Variants in HMG20B observed in about 807,000 individuals in gnomAD.
HMG20B encodes the protein high mobility group 20B.
Under a neutral mutation model 41.6 loss-of-function variants are expected in HMG20B, and 24 were observed. The observed-to-expected ratio is 0.58, with a 90% CI of 0.42 to 0.81. HMG20B has a LOEUF of 0.81. HMG20B is among the 30% of genes least tolerant of loss of function. The pLI is 0.00. For synonymous variants in HMG20B, 251 were observed against 186.6 expected (o/e 1.34, Z -2.81); for missense variants, 461 against 444.0 (o/e 1.04, Z -0.34).
chr19:3,576,657 C>A (rs2032168099), intron 7 of HMG20B, 32 bp downstream of exon 7: 1 of 1,585,904 alleles, frequency 6.3e-7, no homozygotes, highest in East Asian at 2.2e-5. Flanking sequence ...GATGCGAACT[C>A]CGTGAAACTG....
At chr19:3,577,184 C>T in intron 8 of HMG20B, 77 bp downstream of exon 8, 2 of 1,093,512 alleles carry the variant, frequency 1.8e-6, no homozygotes, top group East Asian at 2.8e-5. Context: ...CTCCCTTCCC[C>T]CCTTCCCCTG....
chr19:3,574,237 C>G (rs550949295), intron 3 of HMG20B, 146 bp from the exon 4 acceptor site: 3 of 729,708 alleles, frequency 4.1e-6, no homozygotes, highest in Admixed American at 2.3e-5. Flanking sequence ...GCTGACCGGG[C>G]CCTACCTCCA....
chr19:3,577,201 G>T, intron 8 of HMG20B, 94 bp downstream of exon 8: 1 of 913,830 alleles, frequency 1.1e-6, no homozygotes, highest in Non-Finnish European at 1.5e-6. Context: ...CCTGTCGCCC[G>T]GCGCCGCCCA....
intron 5 of HMG20B, chr19:3,575,929 G>GC (rs2032150007): frequency 2.1e-6 from 1 of 475,766 alleles, no homozygotes. Flanking sequence ...GGGCGACAGG[G>GC]CGAGACTCCG....
chr19:3,573,968 G>A, intron 3 of HMG20B, 168 bp downstream of exon 3: 1 of 725,646 alleles, frequency 1.4e-6, no homozygotes, highest in Non-Finnish European at 2.5e-6. Flanking sequence ...CAGGTCCTCT[G>A]CCACTCTAAG....
rs199917043 is a variant in HMG20B, at chr19:3,573,688, C to T, written c.39-4C>T. On this transcript the variant is annotated splice_polypyrimidine_tract_variant and splice_region_variant and intron_variant, in intron 2 of 9. Coordinates refer to ENST00000333651, the MANE Select transcript of HMG20B (RefSeq NM_006339.3). ...GGGGCTGACCGCGGTATCCTTGGCT[C>T]CAGGCCGGCGGGCGGCAAGGCTCCG... is the stretch of plus-strand genomic sequence containing the variant. The T allele has an allele frequency of 2.7e-6, 4 of 1,501,726 alleles. No individual in the cohort carries two copies. In the Admixed American group the frequency reaches 9.4e-5, roughly 35 times the overall value. The allele number at this position is 1,501,726 out of a possible 1,614,324, so 93.0% of individuals were successfully genotyped here. A position where few individuals can be genotyped will look rare whatever the true frequency, so the allele number is the denominator to read the frequency against.
chr19:3,573,862 G>T, intron 3 of HMG20B, 62 bp downstream of exon 3: 2 of 1,418,260 alleles, frequency 1.4e-6, no homozygotes, highest in Non-Finnish European at 1.9e-6. Flanking sequence ...TCGAAGCCCC[G>T]CCCCAGGCTG....
At chr19:3,577,894 C>A in intron 8 of HMG20B, 87 bp from the exon 9 acceptor site, 1 of 1,292,442 alleles carries the variant, frequency 7.7e-7, no homozygotes, top group Non-Finnish European at 1.1e-6. Flanking sequence ...GCGCGACCCG[C>A]CCTGAGTCAC....
chr19:3,576,934 C>T lies in HMG20B; in HGVS notation c.635C>T (p.Ala212Val), dbSNP rs1440858936. Reference sequence around the variant, plus strand: ...CGGCGCTTGCGGAAGATGAATGTGGCCTTCGAGGAGCAGAACGCGGTACTG... The same window carrying T: ...CGGCGCTTGCGGAAGATGAATGTGGTCTTCGAGGAGCAGAACGCGGTACTG... Reference protein sequence around the residue: ...ELRRLRKMNVAFEEQNAVLQR... With the variant: ...ELRRLRKMNVVFEEQNAVLQR... Residue 212 changes from alanine to valine, a missense_variant, in exon 8 of 10, where the codon GCC (alanine) becomes GTC (valine). Transcript: ENST00000333651. The T allele has an allele frequency of 2.5e-6, 4 of 1,584,484 alleles. No homozygotes were observed. The highest frequency in any genetic ancestry group is 1.3e-5 in the African/African-American group (1 of 74,458).
At chr19:3,575,449 A>AG in intron 4 of HMG20B, 91 bp from the exon 5 acceptor site, 3 of 1,530,748 alleles carry the variant, frequency 2.0e-6, no homozygotes, top group Non-Finnish European at 2.6e-6. Context: ...GGTTCAGGAG[A>AG]GGGGAGGGTG....
chr19:3,576,879 C>A lies in HMG20B; in HGVS notation c.593-13C>A, dbSNP rs762773186. The A allele has an allele frequency of 3.2e-6, 5 of 1,557,918 alleles. No homozygotes were observed. In the South Asian group the frequency reaches 5.9e-5, roughly 18 times the overall value. Reference sequence around the variant, plus strand: ...GGGAGGCGCAGGCTTTGACCCCGCTCCCCCCGGCGCAGCGCGTGAGGCGGA... The same window carrying A: ...GGGAGGCGCAGGCTTTGACCCCGCTACCCCCGGCGCAGCGCGTGAGGCGGA... On this transcript the variant is annotated splice_polypyrimidine_tract_variant and intron_variant, in intron 7 of 9. Transcript: ENST00000333651.
intron 3 of HMG20B, 66 bp from the exon 4 acceptor site, chr19:3,574,317 A>G (rs1599854038): frequency 9.6e-6 from 3 of 313,878 alleles, no homozygotes; most frequent in Non-Finnish European, 9.7e-6. Context: ...GGCCCCGCCC[A>G]TGCCCCTCTG....
At chr19:3,578,321 C>T in intron 9 of HMG20B, 188 bp from the exon 10 acceptor site, 5 of 1,129,134 alleles carry the variant, frequency 4.4e-6, no homozygotes, top group Non-Finnish European at 5.0e-6. Flanking sequence ...CACTCGGGGG[C>T]ACCAGAACTT....
At position 3,578,871 on chromosome 19, in the gene HMG20B, T is replaced by G; in HGVS notation, c.*350T>G. ...CAGCACACGGCAGGACCCCCCAAAT[T>G]ACTCACTACGGGGGGCTGTGCCATA... On this transcript the variant is annotated 3_prime_UTR_variant, in exon 10 of 10. Transcript: ENST00000333651. The G allele has an allele frequency of 1.8e-6, 1 of 553,934 alleles. No individual in the cohort carries two copies. Among genetic ancestry groups the G allele is most frequent in the African/African-American group, 1.9e-5 (1 of 53,470 alleles). 34.3% of individuals were successfully genotyped at this position (553,934 alleles called of 1,614,324 possible).
intron 4 of HMG20B, 169 bp from the exon 5 acceptor site, chr19:3,575,371 C>T (rs1331677912): frequency 9.4e-6 from 11 of 1,172,920 alleles, no homozygotes; most frequent in South Asian, 1.6e-5. Flanking sequence ...GGTGGGAGCT[C>T]GGAGGTCCCT....
chr19:3,576,984 AGC>A lies in HMG20B; in HGVS notation c.693_694del (p.Glu232AlafsTer132), dbSNP rs1242915069. ...VLQRHTQSMS[S>X]ARERLEQELA... is the part of the protein sequence containing the mutation. Reference sequence around the variant, plus strand: ...GCAGAGGCACACGCAGAGCATGAGCAGCGCGCGCGAGCGTCTGGAGCAGGAGC... The same window carrying A: ...GCAGAGGCACACGCAGAGCATGAGCAGCGCGCGAGCGTCTGGAGCAGGAGC... On this transcript the variant is annotated frameshift_variant, in exon 8 of 10. Transcript: ENST00000333651. LOFTEE classifies it high-confidence loss of function. 3.8e-6 allele frequency: 6 copies of A among 1,566,614 alleles called. No individual in the cohort carries two copies. Among genetic ancestry groups the A allele is most frequent in the Non-Finnish European group, 5.2e-6 (6 of 1,157,182 alleles).
At chr19:3,574,611 G>A in intron 4 of HMG20B, 25 bp downstream of exon 4, 1 of 1,556,912 alleles carries the variant, frequency 6.4e-7, no homozygotes, top group Non-Finnish European at 8.7e-7. Flanking sequence ...GCGCCGAGCA[G>A]GGCTGGCGGG....
chr19:3,574,507 G>C lies in HMG20B; in HGVS notation c.272G>C (p.Arg91Pro). ...LNERREQIRT[R>P]HPDLPFPEIT... is the part of the protein sequence containing the mutation. Reference sequence around the variant, plus strand: ...GAGCGGCGCGAGCAGATCCGCACGCGCCACCCGGATCTGCCCTTTCCCGAG... The same window carrying C: ...GAGCGGCGCGAGCAGATCCGCACGCCCCACCCGGATCTGCCCTTTCCCGAG... The change falls in exon 4 of 10, where the codon CGC becomes CCC. Residue 91 changes from arginine to proline, a missense_variant. Coordinates refer to ENST00000333651, the MANE Select transcript of HMG20B (RefSeq NM_006339.3). 1 of 1,605,710 alleles carries C rather than the reference G, an allele frequency of 6.2e-7. No homozygotes were observed. Among genetic ancestry groups the C allele is most frequent in the Non-Finnish European group, 8.5e-7 (1 of 1,177,250 alleles).
In HMG20B at chr19:3,575,591, C is replaced by T; in HGVS notation, c.403C>T (p.Arg135Trp). ...REKQQYMKEL[R>W]AYQQSEAYKM... ...GAAGCAGCAGTACATGAAGGAGCTGCGGGCGTACCAGCAGTCTGAAGCCTA... is the reference window on the plus strand; with the variant it reads ...GAAGCAGCAGTACATGAAGGAGCTGTGGGCGTACCAGCAGTCTGAAGCCTA... The change falls in exon 5 of 10, where the codon CGG (arginine) becomes TGG (tryptophan). Residue 135 changes from arginine to tryptophan, a missense_variant. Arg to Trp is a moderately radical substitution (Grantham distance 101). Transcript: ENST00000333651. 3 of 1,555,862 alleles carry T rather than the reference C, an allele frequency of 1.9e-6. No individual in the cohort carries two copies. The highest frequency in any genetic ancestry group is 2.6e-6 in the Non-Finnish European group (3 of 1,149,802).
Sources: gnomAD v4.1 joint callset for allele counts on GRCh38, gnomAD v4.1.1 for gene constraint, MANE v1.5 for transcripts, NCBI Gene and HGNC (gene_info 2026-07-23, HGNC 2026-07-21) for gene names.